The following TMCC1 variants were observed in gnomAD, a reference collection of about 807,000 sequenced individuals.
TMCC1 encodes transmembrane and coiled-coil domains protein 1.
In TMCC1, 15 loss-of-function variants were observed where a neutral mutation model predicts 52.4. The ratio of observed to expected loss-of-function variants is 0.29; its 90% CI spans 0.19 to 0.44. TMCC1 has a LOEUF of 0.44. TMCC1 is among the 20% of genes least tolerant of loss of function. TMCC1 has a pLI of 1.00. For missense variants in TMCC1, 503 were observed against 806.0 expected, an observed-to-expected ratio of 0.62 and a Z score of 4.55; for synonymous variants, 279 against 301.9, an observed-to-expected ratio of 0.92 and a Z score of 0.79.
intron 1 of TMCC1, among the ~76,000 whole-genome samples, chr3:129,891,867 G>A (rs898039804): frequency 6.6e-6 from 1 of 152,166 alleles, no homozygotes; most frequent in Admixed American, 6.5e-5. Context: ...AAGCAGTCTT[G>A]CAGAAAAGGG....
chr3:129,777,908 T>C (rs1245515862), intron 4 of TMCC1, among the ~76,000 whole-genome samples: 1 of 152,210 alleles, frequency 6.6e-6, no homozygotes, highest in Non-Finnish European at 1.5e-5. Context: ...ATGGGAACCC[T>C]TATCTTGCAT....
chr3:129,751,789 G>C (rs1457845525), intron 4 of TMCC1, among the ~76,000 whole-genome samples: 1 of 152,086 alleles, frequency 6.6e-6, no homozygotes, highest in Non-Finnish European at 1.5e-5. Flanking sequence ...TCAAACTCCT[G>C]ACCTCATAAT....
intron 1 of TMCC1, chr3:129,892,770 CCA>C (rs1442954523): frequency 1.3e-5 from 2 of 152,162 alleles, no homozygotes; most frequent in Non-Finnish European, 2.9e-5. Flanking sequence ...ACCAAACCAA[CCA>C]CAAATGATAC....
At chr3:129,747,093 T>C (rs920235173) in intron 4 of TMCC1, among the ~76,000 whole-genome samples, 1 of 152,196 alleles carries the variant, frequency 6.6e-6, no homozygotes, top group Admixed American at 6.5e-5. Context: ...CTCATATATA[T>C]GAAGACTGAT....
intron 5 of TMCC1, among the ~76,000 whole-genome samples, chr3:129,668,451 C>A (rs1386818535): frequency 3.3e-5 from 5 of 152,104 alleles, no homozygotes; most frequent in Non-Finnish European, 5.9e-5. Flanking sequence ...CTTAAGAGAA[C>A]TGAAGAAACT....
Position 129,729,446 on chromosome 3 carries a change from T to C in TMCC1, c.577-58182A>G, listed in dbSNP as rs80199713. On this transcript the variant is annotated intron_variant, in intron 4 of 6. Coordinates refer to ENST00000393238, the MANE Select transcript of TMCC1 (RefSeq NM_001017395.5). ...TTAAGACATTTGACCATGTATTATA[T>C]AGGGTTTAAAAATAAAACTATTGAG... Among the ~76,000 whole-genome samples the C allele has an allele frequency of 2.3e-4, 35 of 152,350 alleles. No homozygotes were observed. The East Asian group carries it at 3.7e-3, about 16-fold the overall frequency.
intron 4 of TMCC1, among the ~76,000 whole-genome samples, chr3:129,815,969 C>T (rs1367908735): frequency 6.6e-6 from 1 of 151,992 alleles, no homozygotes; most frequent in Non-Finnish European, 1.5e-5. Context: ...CACAAATGGC[C>T]AACAAGTATA....
At chr3:129,782,602 C>T (rs1053699412) in intron 4 of TMCC1, among the ~76,000 whole-genome samples, 4 of 152,056 alleles carry the variant, frequency 2.6e-5, no homozygotes, top group African/African-American at 7.2e-5. Context: ...ATGGTACTAA[C>T]GGATAGAACA....
chr3:129,688,519 A>G, intron 4 of TMCC1: 1 of 985,532 alleles, frequency 1.0e-6, no homozygotes, highest in East Asian at 1.1e-4. Flanking sequence ...AGGCAGGTAC[A>G]GCCGCACCAC....
intron 4 of TMCC1, among the ~76,000 whole-genome samples, chr3:129,825,239 A>C (rs2058608730): frequency 6.6e-6 from 1 of 152,218 alleles, no homozygotes. Flanking sequence ...ACTAATTCAA[A>C]CTTAGAAATC....
rs1341718919 is a variant in TMCC1 at position 129,792,231 on chromosome 3, T to A, written c.576+35572A>T. Among the ~76,000 whole-genome samples, 3 of 151,170 alleles carry A rather than the reference T, an allele frequency of 2.0e-5. No individual in the cohort carries two copies. In the Admixed American group the frequency reaches 2.0e-4, roughly 10 times the overall value. On this transcript the variant is annotated intron_variant, in intron 4 of 6. Coordinates refer to ENST00000393238, the MANE Select transcript of TMCC1 (RefSeq NM_001017395.5). ...ATATATATATCTATGAAAAAACGAT[T>A]TCATTTTGAGTGTTCAATATGTGCC...
At chr3:129,731,227 A>T (rs1478534988) in intron 4 of TMCC1, among the ~76,000 whole-genome samples, 1 of 152,244 alleles carries the variant, frequency 6.6e-6, no homozygotes, top group Non-Finnish European at 1.5e-5. Flanking sequence ...ACCACATGAT[A>T]TCAATTTATA....
intron 4 of TMCC1, among the ~76,000 whole-genome samples, chr3:129,826,379 CGCCTGTAGTACCAGCTACTCAG>C (rs1218849164): frequency 6.6e-6 from 1 of 150,708 alleles, no homozygotes; most frequent in Non-Finnish European, 1.5e-5. Flanking sequence ...TGCTGGCATG[CGCCTGTAGTACCAGCTACTCAG>C]GAGGCTGAGG....
intron 4 of TMCC1, among the ~76,000 whole-genome samples, chr3:129,823,326 CAAACA>C (rs139745305): frequency 0.87 from 130,841 of 151,122 alleles, 57,335 homozygotes; most frequent in East Asian, 1. Context: ...AATTCCATCT[CAAACA>C]AAACAAAACA....
chr3:129,855,049 C>T (rs902155758), intron 2 of TMCC1, among the ~76,000 whole-genome samples: 1 of 152,186 alleles, frequency 6.6e-6, no homozygotes, highest in Non-Finnish European at 1.5e-5. Context: ...CCAGCAATCA[C>T]AAAACATTCA....
In TMCC1 at chr3:129,651,875, G is replaced by T; in HGVS notation, c.1648-80C>A. ...GCTGACATGCCCCCTGGGCAAGCCA[G>T]ATGCATCTTGAGCAATGCCAATGAT... is the stretch of plus-strand genomic sequence containing the variant. On this transcript the variant is annotated intron_variant, in intron 6 of 6. Coordinates refer to ENST00000393238, the MANE Select transcript of TMCC1 (RefSeq NM_001017395.5). This position sits in a 1 kb window ranked among gnomAD's most constrained non-coding sequence, Gnocchi z 5.1. The T allele has an allele frequency of 7.0e-7, 1 of 1,438,010 alleles. No homozygotes were observed. The allele number at this position is 1,438,010 out of a possible 1,614,324, so 89.1% of individuals were successfully genotyped here.
intron 4 of TMCC1, among the ~76,000 whole-genome samples, chr3:129,825,291 T>A (rs544834229): frequency 1.3e-5 from 2 of 152,328 alleles, no homozygotes; most frequent in Admixed American, 1.3e-4. Context: ...CTTCTTCCAC[T>A]TTTCTCTATC....
At chr3:129,849,149 C>G (rs1039398777) in intron 2 of TMCC1, among the ~76,000 whole-genome samples, 1 of 152,158 alleles carries the variant, frequency 6.6e-6, no homozygotes, top group Non-Finnish European at 1.5e-5. Context: ...AAGGATTAGA[C>G]TAGTGCATTT....
intron 2 of TMCC1, among the ~76,000 whole-genome samples, chr3:129,863,052 A>G (rs944758487): frequency 1.3e-5 from 2 of 152,208 alleles, no homozygotes; most frequent in Non-Finnish European, 2.9e-5. Flanking sequence ...TCTTCTCCAT[A>G]TGAATAATAA....
Sources: allele counts gnomAD v4.1 joint callset (sites outside exome capture counted in the v4.1 genomes callset), GRCh38; gene constraint gnomAD v4.1.1; non-coding constraint Gnocchi (gnomAD v3.1); transcripts MANE v1.5; gene names NCBI Gene and HGNC (gene_info 2026-07-23, HGNC 2026-07-21).